The following MIS18BP1 variants were observed in gnomAD, a reference collection of about 807,000 sequenced individuals.
MIS18BP1 encodes the protein MIS18 binding protein 1.
In MIS18BP1, 72 loss-of-function variants were observed where a neutral mutation model predicts 116.1. The observed-to-expected ratio is 0.62, with a 90% CI of 0.51 to 0.75. MIS18BP1 has a LOEUF of 0.75. MIS18BP1 is among the 30% of genes least tolerant of loss of function. The probability of loss-of-function intolerance (pLI) is 0.00; values close to 1 mark genes in which losing one functional copy is unlikely to be tolerated. For synonymous variants in MIS18BP1, 386 were observed against 427.0 expected, an observed-to-expected ratio of 0.90 and a Z score of 1.18; for missense variants, 1,363 against 1,303.2, an observed-to-expected ratio of 1.05 and a Z score of -0.71.
chr14:45,231,343 AAAAAC>A (rs745892777), intron 7 of MIS18BP1, 45 bp from the exon 8 acceptor site: 2 of 1,477,576 alleles, frequency 1.4e-6, no homozygotes, highest in Admixed American at 2.3e-5. Context: ...TGATTCTCAA[AAAAAC>A]AAAACAAAAA....
At chr14:45,218,005 T>G (rs1396440704) in intron 12 of MIS18BP1, among the ~76,000 whole-genome samples, 2 of 152,256 alleles carry the variant, frequency 1.3e-5, no homozygotes, top group South Asian at 4.1e-4. Flanking sequence ...GGTCTTTAAT[T>G]AAACCCTTAG....
At chr14:45,237,823 A>G in intron 4 of MIS18BP1, 102 bp from the exon 5 acceptor site, 1 of 1,425,582 alleles carries the variant, frequency 7.0e-7, no homozygotes, top group Non-Finnish European at 9.2e-7. Context: ...TAAGTAATCC[A>G]AATATTCCTT....
At chr14:45,247,760 G>A (rs538897118) in intron 1 of MIS18BP1, among the ~76,000 whole-genome samples, 2 of 152,170 alleles carry the variant, frequency 1.3e-5, no homozygotes, top group Non-Finnish European at 2.9e-5. Context: ...ACTACATTAG[G>A]TTACAAAAGA....
At chr14:45,219,966 T>A (rs972413936) in intron 11 of MIS18BP1, among the ~76,000 whole-genome samples, 1 of 152,232 alleles carries the variant, frequency 6.6e-6, no homozygotes, top group Admixed American at 6.5e-5. Flanking sequence ...TTAAAACTTG[T>A]TTCATTATTA....
intron 2 of MIS18BP1, among the ~76,000 whole-genome samples, chr14:45,244,886 G>A (rs1419028657): frequency 1.3e-5 from 2 of 152,124 alleles, no homozygotes; most frequent in African/African-American, 2.4e-5. Context: ...TGGTCAAACC[G>A]CTAATGATGC....
rs759165212 is a variant in MIS18BP1, at chr14:45,217,044, G to A, written c.2978C>T (p.Thr993Ile). The change falls in exon 13 of 17, where the codon ACA (threonine) becomes ATA (isoleucine). Residue 993 changes from threonine (T) to isoleucine (I), a missense_variant. Thr to Ile is a moderately conservative substitution (Grantham distance 89). Transcript: ENST00000310806. ...KDDHDDFFST[T>I]PLQHQRILLP... ...CAGTATTCTTTGATGCTGTAAAGGT[G>A]TTGTACTGAAAAAATCATCATGGTC... is the stretch of plus-strand genomic sequence containing the variant. 3 of 1,614,056 alleles carry A rather than the reference G, an allele frequency of 1.9e-6. No homozygotes were observed. The highest frequency in any genetic ancestry group is 2.5e-6 in the Non-Finnish European group (3 of 1,179,964).
chr14:45,223,664 T>C (rs1047591605), intron 11 of MIS18BP1, among the ~76,000 whole-genome samples: 1 of 152,194 alleles, frequency 6.6e-6, no homozygotes, highest in African/African-American at 2.4e-5. Context: ...TATCTTGAAA[T>C]ATTACATGGG....
At chr14:45,248,223 A>G (rs1347669428) in intron 1 of MIS18BP1, among the ~76,000 whole-genome samples, 4 of 151,280 alleles carry the variant, frequency 2.6e-5, no homozygotes, top group Non-Finnish European at 4.4e-5. Flanking sequence ...ATGCACCACC[A>G]CACCCGGCTA....
intron 14 of MIS18BP1, chr14:45,206,446 C>G: frequency 3.7e-6 from 1 of 268,934 alleles, no homozygotes; most frequent in Non-Finnish European, 7.1e-6. Context: ...GCCATCATGC[C>G]TGGCTAATCT....
At position 45,224,005 on chromosome 14, in the gene MIS18BP1, T is replaced by G; in HGVS notation, c.2582A>C (p.Asp861Ala). The G allele has an allele frequency of 6.2e-7, 1 of 1,613,722 alleles. No homozygotes were observed. The highest frequency in any genetic ancestry group is 8.5e-7 in the Non-Finnish European group (1 of 1,179,956). Residue 861 changes from aspartate (D) to alanine (A), a missense_variant, in exon 11 of 17, where the codon GAT becomes GCT. Asp to Ala is a moderately radical substitution (Grantham distance 126). Coordinates refer to ENST00000310806, the MANE Select transcript of MIS18BP1 (RefSeq NM_018353.5). ...TTCTAAGGGATGCCTATTTGTCTTATCAGATCCTACTGCCTCAGTAATTGG... is the reference window on the plus strand; with the variant it reads ...TTCTAAGGGATGCCTATTTGTCTTAGCAGATCCTACTGCCTCAGTAATTGG... ...EFPITEAVGS[D>A]KTNRHPLECL...
chr14:45,203,965 T>C lies in MIS18BP1; in HGVS notation c.*144A>G. 1 of 1,231,330 alleles carries C rather than the reference T, an allele frequency of 8.1e-7. No individual in the cohort carries two copies. Among genetic ancestry groups the C allele is most frequent in the Non-Finnish European group, 1.1e-6 (1 of 922,788 alleles). The allele number at this position is 1,231,330 out of a possible 1,614,324, so 76.3% of individuals were successfully genotyped here. A position where few individuals can be genotyped will look rare whatever the true frequency, so the allele number is the denominator to read the frequency against. Reference sequence around the variant, plus strand: ...CTGCAGCAATGAGGATATTTTACTTTGAACACAAACATATGAAACCTTCAA... The same window carrying C: ...CTGCAGCAATGAGGATATTTTACTTCGAACACAAACATATGAAACCTTCAA... On this transcript the variant is annotated 3_prime_UTR_variant, in exon 17 of 17. Coordinates refer to ENST00000310806, the MANE Select transcript of MIS18BP1 (RefSeq NM_018353.5).
chr14:45,227,586 T>C (rs1393236747), intron 9 of MIS18BP1, 77 bp downstream of exon 9: 3 of 1,222,128 alleles, frequency 2.5e-6, no homozygotes, highest in Non-Finnish European at 3.4e-6. Context: ...GTCCCTGATA[T>C]GGTCCCAAAC....
In MIS18BP1 at chr14:45,224,574, G is replaced by A. The variant is rs745934860; in HGVS notation, c.2013C>T (p.Ser671=). Residue 671 remains serine, a synonymous_variant, in exon 11 of 17, where the codon TCC becomes TCT. Transcript: ENST00000310806. The stretch of plus-strand genomic sequence containing the variant: ...CTGTTACTGCTTTGATGGTGCCAGC[G>A]GACAGATTATACCTCATGCATCTTT... ...IEQRCMRYNL[S]AGTIKAVTDF... 46 of 1,612,998 alleles carry A rather than the reference G, an allele frequency of 2.9e-5. No homozygotes were observed. Among genetic ancestry groups the A allele is most frequent in the Admixed American group, 6.7e-5 (4 of 59,854 alleles).
rs112574578 is a variant in MIS18BP1 at position 45,224,749 on chromosome 14, T to C, written c.1841-3A>G. The C allele has an allele frequency of 8.4e-6, 13 of 1,549,304 alleles. No homozygotes were observed. Among genetic ancestry groups the C allele is most frequent in the South Asian group, 1.2e-5 (1 of 80,154 alleles). ...TACATCCAATTCTTCAGTTGTCTCTTTAATTTCATAAGACAAAACCAAAGA... is the reference window on the plus strand; with the variant it reads ...TACATCCAATTCTTCAGTTGTCTCTCTAATTTCATAAGACAAAACCAAAGA... On this transcript the variant is annotated splice_polypyrimidine_tract_variant and splice_region_variant and intron_variant, in intron 10 of 16. Transcript: ENST00000310806.
chr14:45,215,249 G>A (rs1028614787), intron 13 of MIS18BP1, among the ~76,000 whole-genome samples: 2 of 152,128 alleles, frequency 1.3e-5, no homozygotes, highest in Non-Finnish European at 2.9e-5. Flanking sequence ...AGTTAATGAT[G>A]TTATTAAACT....
chr14:45,231,767 A>G (rs1267406214), intron 7 of MIS18BP1, among the ~76,000 whole-genome samples: 1 of 152,216 alleles, frequency 6.6e-6, no homozygotes, highest in Non-Finnish European at 1.5e-5. Flanking sequence ...AAAAACTGCC[A>G]GCCCCCGTTA....
At chr14:45,223,767 T>C (rs914692697) in intron 11 of MIS18BP1, 151 bp downstream of exon 11, 1 of 585,246 alleles carries the variant, frequency 1.7e-6, no homozygotes, top group Non-Finnish European at 2.9e-6. Context: ...CTAGGAGTTA[T>C]GTGTAGTCTA....
At chr14:45,206,020 C>T in intron 15 of MIS18BP1, 63 bp downstream of exon 15, 2 of 1,062,828 alleles carry the variant, frequency 1.9e-6, no homozygotes, top group Non-Finnish European at 2.8e-6. Context: ...CTTACAACTA[C>T]CACAGTTTAT....
intron 1 of MIS18BP1, among the ~76,000 whole-genome samples, chr14:45,251,386 A>C (rs1298240353): frequency 2.0e-5 from 3 of 152,220 alleles, no homozygotes; most frequent in Non-Finnish European, 2.9e-5. Flanking sequence ...TATCCCAGTC[A>C]GTTACAAGTG....
Sources: gnomAD v4.1 joint callset for allele counts (sites outside exome capture counted in the v4.1 genomes callset) on GRCh38, gnomAD v4.1.1 for gene constraint, MANE v1.5 for transcripts, NCBI Gene and HGNC (gene_info 2026-07-23, HGNC 2026-07-21) for gene names.